The following CCDC171 variants were observed in gnomAD, a reference collection of about 807,000 sequenced individuals.
CCDC171 encodes the protein coiled-coil domain-containing protein 171.
Under a neutral mutation model 168.2 loss-of-function variants are expected in CCDC171, and 177 were observed. That is an observed-to-expected ratio of 1.05 (90% CI 0.93 to 1.19). The LOEUF (loss-of-function observed/expected upper bound fraction) is 1.19, where lower values mean the gene tolerates loss of function less well. CCDC171 is among the 50% of genes most tolerant of loss of function. The probability of loss-of-function intolerance (pLI) is 0.00; values close to 1 mark genes in which losing one functional copy is unlikely to be tolerated. For synonymous variants in CCDC171, 687 were observed against 540.8 expected (o/e 1.27, Z -3.75); for missense variants, 1,991 against 1,539.0 (o/e 1.29, Z -4.91).
chr9:15,744,140 A>G, intron 16 of CCDC171, 133 bp from the exon 17 acceptor site: 1 of 692,252 alleles, frequency 1.4e-6, no homozygotes, highest in Non-Finnish European at 2.3e-6. Context: ...TATATTTTGG[A>G]TATTTTAGCA....
At chr9:15,781,822 G>A (rs758374648) in intron 20 of CCDC171, among the ~76,000 whole-genome samples, 1 of 152,130 alleles carries the variant, frequency 6.6e-6, no homozygotes, top group South Asian at 2.1e-4. Flanking sequence ...CCCTAAGCAC[G>A]TTACAGACGT....
At chr9:16,049,534 T>G (rs1001962047) in intron 1 of CCDC171, among the ~76,000 whole-genome samples, 8 of 152,180 alleles carry the variant, frequency 5.3e-5, no homozygotes, top group Non-Finnish European at 7.3e-5. Context: ...TGGGCTTTTC[T>G]GCTGCTGCCT....
intron 7 of CCDC171, among the ~76,000 whole-genome samples, chr9:15,641,411 T>C (rs1412858422): frequency 1.3e-5 from 2 of 152,208 alleles, no homozygotes; most frequent in Non-Finnish European, 2.9e-5. Flanking sequence ...TAACAGAATG[T>C]AGTAGAAACT....
chr9:15,625,016 GT>G (rs1267371867), intron 7 of CCDC171, among the ~76,000 whole-genome samples: 1 of 152,130 alleles, frequency 6.6e-6, no homozygotes, highest in Non-Finnish European at 1.5e-5. Flanking sequence ...TCTAACTGGT[GT>G]TAAGATGGTA....
chr9:16,043,326 G>A (rs144493698), intron 1 of CCDC171, among the ~76,000 whole-genome samples: 1 of 152,058 alleles, frequency 6.6e-6, no homozygotes, highest in Non-Finnish European at 1.5e-5. Context: ...TATCTTGGAT[G>A]ACTGTTGTTA....
At chr9:15,822,065 A>G (rs1439765561) in intron 21 of CCDC171, among the ~76,000 whole-genome samples, 1 of 152,240 alleles carries the variant, frequency 6.6e-6, no homozygotes, top group Non-Finnish European at 1.5e-5. Flanking sequence ...CAAACCTGAG[A>G]AAAACAAGAA....
At chr9:15,850,914 G>T (rs1253703522) in intron 23 of CCDC171, among the ~76,000 whole-genome samples, 1 of 151,928 alleles carries the variant, frequency 6.6e-6, no homozygotes, top group Non-Finnish European at 1.5e-5. Context: ...AGTTTACTGT[G>T]CACCGTAAAA....
chr9:15,820,187 A>G lies in CCDC171; in HGVS notation c.3268-26515A>G, dbSNP rs2059711679. On this transcript the variant is annotated intron_variant, in intron 21 of 25. Coordinates refer to ENST00000380701, the MANE Select transcript of CCDC171 (RefSeq NM_173550.4). The stretch of plus-strand genomic sequence containing the variant: ...ACCAGAATCTCTGGGACACATTCAA[A>G]GCAGTGTGTAGAGGGAAATTTTTAG... Among the ~76,000 whole-genome samples the G allele has an allele frequency of 1.7e-5, 2 of 115,626 alleles. 1 individual carries two copies. 75.9% of individuals were successfully genotyped at this position (115,626 alleles called of 152,430 possible).
chr9:15,907,923 A>G (rs200630284), intron 24 of CCDC171, among the ~76,000 whole-genome samples: 63,067 of 151,984 alleles, frequency 0.41, 13,260 homozygotes, highest in African/African-American at 0.43. Flanking sequence ...ATCACTGGCC[A>G]TCAGAGAAAT....
chr9:15,933,930 G>A (rs1022915305), intron 25 of CCDC171, among the ~76,000 whole-genome samples: 1 of 151,744 alleles, frequency 6.6e-6, no homozygotes, highest in Non-Finnish European at 1.5e-5. Flanking sequence ...ATAATAAATT[G>A]GGCTTCTTCA....
chr9:15,922,172 A>G (rs1219293145), intron 25 of CCDC171: 1 of 409,856 alleles, frequency 2.4e-6, no homozygotes, highest in East Asian at 7.2e-5. Flanking sequence ...TCATCTATAG[A>G]ATGCGAAACA....
chr9:15,639,975 C>T (rs1469856485), intron 7 of CCDC171, among the ~76,000 whole-genome samples: 3 of 152,142 alleles, frequency 2.0e-5, no homozygotes, highest in Admixed American at 6.5e-5. Flanking sequence ...ATAGATGTGT[C>T]AGGACTCGTT....
intron 4 of CCDC171, among the ~76,000 whole-genome samples, chr9:16,021,509 G>A (rs971612579): frequency 6.6e-6 from 1 of 152,210 alleles, no homozygotes; most frequent in African/African-American, 2.4e-5. Flanking sequence ...GGTAACTAAA[G>A]GCAGGGATTT....
At chr9:16,060,028 T>TAAA (rs1833907449) in intron 1 of CCDC171, among the ~76,000 whole-genome samples, 1 of 152,110 alleles carries the variant, frequency 6.6e-6, no homozygotes, top group African/African-American at 2.4e-5. Flanking sequence ...GAAAAACAAA[T>TAAA]AAAAAGCAAC....
intron 6 of CCDC171, among the ~76,000 whole-genome samples, chr9:16,032,078 T>C (rs1833372483): frequency 6.6e-6 from 1 of 152,204 alleles, no homozygotes; most frequent in African/African-American, 2.4e-5. Flanking sequence ...AAGGGAATGT[T>C]ATGCATGACA....
intron 11 of CCDC171, among the ~76,000 whole-genome samples, chr9:15,717,069 C>A (rs1002424958): frequency 6.6e-6 from 1 of 152,190 alleles, no homozygotes; most frequent in African/African-American, 2.4e-5. Flanking sequence ...AACTTCATAT[C>A]ACTGAAAGAG....
intron 4 of CCDC171, among the ~76,000 whole-genome samples, chr9:15,583,370 C>A (rs974203045): frequency 3.3e-5 from 5 of 149,856 alleles, no homozygotes; most frequent in Non-Finnish European, 5.9e-5. Flanking sequence ...CAAGATCGCA[C>A]CACTGCAGTC....
intron 11 of CCDC171, among the ~76,000 whole-genome samples, chr9:15,705,225 A>C (rs1258772103): frequency 1.3e-5 from 2 of 152,046 alleles, no homozygotes; most frequent in Non-Finnish European, 2.9e-5. Flanking sequence ...GAAGTTTTGC[A>C]CCTTGAATGT....
At chr9:15,696,898 T>A (rs2051260469) in intron 11 of CCDC171, among the ~76,000 whole-genome samples, 2 of 152,350 alleles carry the variant, frequency 1.3e-5, no homozygotes, top group African/African-American at 4.8e-5. Flanking sequence ...GGGAATGTGT[T>A]CCTGCGAAAG....
Sources: gnomAD v4.1 joint callset for allele counts (sites outside exome capture counted in the v4.1 genomes callset) on GRCh38, gnomAD v4.1.1 for gene constraint, MANE v1.5 for transcripts, NCBI Gene and HGNC (gene_info 2026-07-23, HGNC 2026-07-21) for gene names.